The following NCOA3 variants were observed in gnomAD, a reference collection of about 807,000 sequenced individuals.
NCOA3 encodes the protein nuclear receptor coactivator 3.
A neutral mutation model predicts 158.8 loss-of-function variants in NCOA3; 51 were observed. The observed-to-expected ratio is 0.32, with a 90% CI of 0.26 to 0.41. NCOA3 has a LOEUF of 0.41. Ranked by LOEUF, NCOA3 falls within the 10% of genes least tolerant of loss-of-function variation. NCOA3 has a pLI of 1.00. For synonymous variants in NCOA3, 537 were observed against 592.4 expected (o/e 0.91, Z 1.36); for missense variants, 1,510 against 1,746.6 (o/e 0.86, Z 2.41).
intron 1 of NCOA3, among the ~76,000 whole-genome samples, chr20:47,553,391 T>A (rs2084952115): frequency 6.6e-6 from 1 of 150,686 alleles, no homozygotes; most frequent in Non-Finnish European, 1.5e-5. Flanking sequence ...TCTTGAAAAT[T>A]TTTTTTTTAA....
intron 2 of NCOA3, among the ~76,000 whole-genome samples, chr20:47,588,894 T>A (rs2085580018): frequency 6.6e-6 from 1 of 152,156 alleles, no homozygotes; most frequent in Admixed American, 6.5e-5. Flanking sequence ...AATACAACTT[T>A]TTTTTCTTTT....
At chr20:47,556,608 C>T (rs376534489) in intron 1 of NCOA3, among the ~76,000 whole-genome samples, 13 of 152,124 alleles carry the variant, frequency 8.5e-5, no homozygotes, top group South Asian at 6.2e-4. Context: ...CTGCAACCTC[C>T]GCCTCCTGGG....
chr20:47,655,842 TCC>T lies in NCOA3; in HGVS notation c.*2427_*2428del, dbSNP rs536607011. On this transcript the variant is annotated 3_prime_UTR_variant, in exon 23 of 23. Transcript: ENST00000371998. ...CTCCAGGCTAACTGGAAGGCAGCAC[TCC>T]CTTTTTTATATAGTAGAAAAATGAA... is the stretch of plus-strand genomic sequence containing the variant. The T allele has an allele frequency of 4.8e-4, 74 of 152,640 alleles. No individual in the cohort carries two copies. The highest frequency in any genetic ancestry group is 1.7e-3 in the African/African-American group (72 of 41,558). 9.5% of individuals were successfully genotyped at this position (152,640 alleles called of 1,614,324 possible).
chr20:47,590,690 G>C (rs1485784618), intron 2 of NCOA3, among the ~76,000 whole-genome samples: 1 of 152,124 alleles, frequency 6.6e-6, no homozygotes, highest in South Asian at 2.1e-4. Flanking sequence ...ACATGCCTGT[G>C]GTCCCAGCTG....
intron 1 of NCOA3, among the ~76,000 whole-genome samples, chr20:47,544,316 CTTTTTTTTTTTT>C (rs397866275): frequency 3.0e-5 from 3 of 99,720 alleles, no homozygotes; most frequent in African/African-American, 1.2e-4. Context: ...TTTAATACTA[CTTTTTTTTTTTT>C]TTTTTTTTTC....
chr20:47,520,042 G>GTGAGCAAC (rs551176753), intron 1 of NCOA3, among the ~76,000 whole-genome samples: 1 of 127,314 alleles, frequency 7.9e-6, no homozygotes, highest in Non-Finnish European at 1.6e-5. Flanking sequence ...GATTACAGGT[G>GTGAGCAAC]TGAGCAACTG....
At position 47,654,196 on chromosome 20, in the gene NCOA3, A is replaced by C. The variant is rs1247276367; in HGVS notation, c.*779A>C. 2 of 152,644 alleles carry C rather than the reference A, an allele frequency of 1.3e-5. No individual in the cohort carries two copies. The highest frequency in any genetic ancestry group is 4.8e-5 in the African/African-American group (2 of 41,456). 9.5% of individuals were successfully genotyped at this position (152,644 alleles called of 1,614,324 possible). On this transcript the variant is annotated 3_prime_UTR_variant, in exon 23 of 23. Coordinates refer to ENST00000371998, the MANE Select transcript of NCOA3 (RefSeq NM_181659.3). The stretch of plus-strand genomic sequence containing the variant: ...AGGTCTTGAGGGAATAGTGAAACAC[A>C]TTCCTGGTTTTTGCCTACACTTACG...
intron 20 of NCOA3, 50 bp downstream of exon 20, chr20:47,651,326 A>G: frequency 6.5e-7 from 1 of 1,548,116 alleles, no homozygotes; most frequent in Non-Finnish European, 8.7e-7. Flanking sequence ...ATTACTAAGG[A>G]CATAAGCTTC....
rs118017534 is a variant in NCOA3 at position 47,592,716 on chromosome 20, T to C, written c.-20+9455T>C. ...GCTGTCAGTTAAAATGTTCATACTG[T>C]AACTGGTGTGAGTGGTGGTCCTGGT... is the stretch of plus-strand genomic sequence containing the variant. On this transcript the variant is annotated intron_variant, in intron 2 of 22. Transcript: ENST00000371998. 7.2e-4 allele frequency among the ~76,000 whole-genome samples: 109 copies of C among 152,348 alleles called. 1 individual carries two copies. In the East Asian group the frequency reaches 0.019, roughly 27 times the overall value.
intron 1 of NCOA3, among the ~76,000 whole-genome samples, chr20:47,571,408 C>T (rs2085293360): frequency 6.6e-6 from 1 of 151,494 alleles, no homozygotes; most frequent in African/African-American, 2.4e-5. Flanking sequence ...ACCTTCACCT[C>T]CTGTGTTCAA....
In NCOA3 at chr20:47,570,984, A is replaced by ATGTGTGTGTGTGTGTGTG. The variant is rs74178747; in HGVS notation, c.-98-12197_-98-12180dup. Among the ~76,000 whole-genome samples the ATGTGTGTGTGTGTGTGTG allele has an allele frequency of 2.6e-3, 315 of 120,828 alleles. 1 individual carries two copies. Among genetic ancestry groups the ATGTGTGTGTGTGTGTGTG allele is most frequent in the African/African-American group, 6.8e-3 (206 of 30,232 alleles). The allele number at this position is 120,828 out of a possible 152,430, so 79.3% of individuals were successfully genotyped here. A position where few individuals can be genotyped will look rare whatever the true frequency, so the allele number is the denominator to read the frequency against. The stretch of plus-strand genomic sequence containing the variant: ...CACACACACACAAGTATATACATAT[A>ATGTGTGTGTGTGTGTGTG]TGTGTGTGTGTGTGTGTGTATATAC... On this transcript the variant is annotated intron_variant, in intron 1 of 22. Transcript: ENST00000371998.
chr20:47,634,284 A>G, intron 10 of NCOA3, 89 bp downstream of exon 10: 1 of 1,315,010 alleles, frequency 7.6e-7, no homozygotes, highest in East Asian at 2.3e-5. Flanking sequence ...AAGGGATAAA[A>G]TGAGACAAAA....
rs372177830 is a variant in NCOA3, at chr20:47,654,848, CTGTGTGTGTGTGTGTATGTGTG to C, written c.*1445_*1466del. ...GTCCGAAATAATAGCAATTCATGGG[CTGTGTGTGTGTGTGTATGTGTG>C]TGTGTGTGTGTGTATGTTTAATTAT... On this transcript the variant is annotated 3_prime_UTR_variant, in exon 23 of 23. Coordinates refer to ENST00000371998, the MANE Select transcript of NCOA3 (RefSeq NM_181659.3). 32 of 146,638 alleles carry C rather than the reference CTGTGTGTGTGTGTGTATGTGTG, an allele frequency of 2.2e-4. No homozygotes were observed. Among genetic ancestry groups the C allele is most frequent in the African/African-American group, 6.5e-4 (25 of 38,420 alleles). 9.1% of individuals were successfully genotyped at this position (146,638 alleles called of 1,614,324 possible).
At chr20:47,558,318 G>A (rs1478058130) in intron 1 of NCOA3, among the ~76,000 whole-genome samples, 1 of 142,024 alleles carries the variant, frequency 7.0e-6, no homozygotes, top group African/African-American at 2.6e-5. Context: ...TTGACCTCAG[G>A]TGATCTGCCT....
chr20:47,595,693 T>C (rs1209636194), intron 2 of NCOA3, among the ~76,000 whole-genome samples: 4 of 152,148 alleles, frequency 2.6e-5, no homozygotes, highest in Admixed American at 2.6e-4. Flanking sequence ...TTTTAATTTT[T>C]TGGTGGGATT....
chr20:47,549,000 G>A (rs1319067709), intron 1 of NCOA3, among the ~76,000 whole-genome samples: 1 of 152,136 alleles, frequency 6.6e-6, no homozygotes, highest in Non-Finnish European at 1.5e-5. Context: ...TGGATTGGAT[G>A]TAATGCATAA....
At chr20:47,647,893 TTTTGTTTG>T (rs144891646) in intron 18 of NCOA3, among the ~76,000 whole-genome samples, 18 of 147,744 alleles carry the variant, frequency 1.2e-4, no homozygotes, top group Admixed American at 3.4e-4. Context: ...GAGGTTTTTT[TTTTGTTTG>T]TTTGTTTGTT....
intron 1 of NCOA3, among the ~76,000 whole-genome samples, chr20:47,538,245 G>A (rs2084666765): frequency 1.3e-5 from 2 of 152,194 alleles, no homozygotes. Flanking sequence ...GTCCCATTTA[G>A]ATGATCTTTA....
chr20:47,548,107 C>G (rs2084862967), intron 1 of NCOA3, among the ~76,000 whole-genome samples: 1 of 151,836 alleles, frequency 6.6e-6, no homozygotes, highest in Admixed American at 6.6e-5. Context: ...TGGAAGTTGA[C>G]TCTGAAATTG....
Sources: gnomAD v4.1 joint callset for allele counts (sites outside exome capture counted in the v4.1 genomes callset) on GRCh38, gnomAD v4.1.1 for gene constraint, MANE v1.5 for transcripts, NCBI Gene and HGNC (gene_info 2026-07-23, HGNC 2026-07-21) for gene names.